Variants in MICOS10 observed in about 807,000 individuals in gnomAD.
MICOS10 encodes mitochondrial contact site and cristae organizing system subunit 10, also known as MICOS complex subunit MIC10.
Under a neutral mutation model 13.4 loss-of-function variants are expected in MICOS10, and 5 were observed. That is an observed-to-expected ratio of 0.37 (90% CI 0.20 to 0.78). The LOEUF (loss-of-function observed/expected upper bound fraction) is 0.78. MICOS10 is among the 30% of genes least tolerant of loss of function. The pLI is 0.47. For missense variants in MICOS10, 101 were observed against 94.6 expected (o/e 1.07, Z -0.28); for synonymous variants, 35 against 33.6 (o/e 1.04, Z -0.15).
intron 2 of MICOS10, among the ~76,000 whole-genome samples, 180 bp downstream of exon 2, chr1:19,622,327 A>G (rs886190019): frequency 3.9e-5 from 6 of 152,224 alleles, no homozygotes; most frequent in Non-Finnish European, 8.8e-5. Flanking sequence ...AAAGAGGTCA[A>G]AATGGGTTGG....
intron 1 of MICOS10, among the ~76,000 whole-genome samples, chr1:19,619,875 G>T (rs2094897070): frequency 6.6e-6 from 1 of 152,204 alleles, no homozygotes; most frequent in African/African-American, 2.4e-5. Flanking sequence ...AGGCTCCTTT[G>T]TTATGCTCCC....
chr1:19,621,915 G>C (rs2094905015), intron 1 of MICOS10, among the ~76,000 whole-genome samples, 185 bp from the exon 2 acceptor site: 1 of 152,124 alleles, frequency 6.6e-6, no homozygotes, highest in African/African-American at 2.4e-5. Context: ...TTCATGTTGG[G>C]CAGGAGAACC....
Position 19,622,122 on chromosome 1 carries a change from T to G in MICOS10, c.87T>G (p.Ile29Met), listed in dbSNP as rs772923726. 1 of 1,612,620 alleles carries G rather than the reference T, an allele frequency of 6.2e-7. No homozygotes were observed. Among genetic ancestry groups the G allele is most frequent in the South Asian group, 1.1e-5 (1 of 90,944 alleles). The change falls in exon 2 of 4, where the codon ATT becomes ATG. Residue 29 changes from isoleucine to methionine, a missense_variant. Coordinates refer to ENST00000322753, the MANE Select transcript of MICOS10 (RefSeq NM_001032363.4). ...TAGGTACTGGTTTTGGATTAGGAAT[T>G]GTTTTCTCACTTACCTTCTTTAAAA... ...VKIGTGFGLG[I>M]VFSLTFFKRR...
At chr1:19,625,325 G>A (rs1309566049) in intron 3 of MICOS10, 1 of 1,265,972 alleles carries the variant, frequency 7.9e-7, no homozygotes. Flanking sequence ...GTCAGGAGCT[G>A]TGGCCACAAG....
intron 1 of MICOS10, among the ~76,000 whole-genome samples, chr1:19,614,136 C>T (rs1008841613): frequency 6.6e-6 from 1 of 151,826 alleles, no homozygotes; most frequent in African/African-American, 2.4e-5. Flanking sequence ...AGTGTGGTGG[C>T]GTGATGTCAG....
chr1:19,623,894 T>C lies in MICOS10; in HGVS notation c.222+311T>C, dbSNP rs117847549. 14 of 196,352 alleles carry C rather than the reference T, an allele frequency of 7.1e-5. No individual in the cohort carries two copies. The East Asian group carries it at 1.6e-3, about 22-fold the overall frequency. The allele number at this position is 196,352 out of a possible 1,614,324, so 12.2% of individuals were successfully genotyped here. A position where few individuals can be genotyped will look rare whatever the true frequency, so the allele number is the denominator to read the frequency against. Reference sequence around the variant, plus strand: ...GTGTTAACTATCTGTAAGTAGCACTTTTCATTTAAGAGCTCAGAGTGCCCT... The same window carrying C: ...GTGTTAACTATCTGTAAGTAGCACTCTTCATTTAAGAGCTCAGAGTGCCCT... On this transcript the variant is annotated intron_variant, in intron 3 of 3. Coordinates refer to ENST00000322753, the MANE Select transcript of MICOS10 (RefSeq NM_001032363.4).
At chr1:19,620,257 A>G (rs759825018) in intron 1 of MICOS10, among the ~76,000 whole-genome samples, 3 of 152,214 alleles carry the variant, frequency 2.0e-5, no homozygotes, top group Admixed American at 6.5e-5. Flanking sequence ...AGAGGTGCCA[A>G]TCTTTAGTGG....
rs116411278 is a variant in MICOS10, at chr1:19,610,595, G to A, written c.65-11505G>A. On this transcript the variant is annotated intron_variant, in intron 1 of 3. Coordinates refer to ENST00000322753, the MANE Select transcript of MICOS10 (RefSeq NM_001032363.4). Reference sequence around the variant, plus strand: ...AGACAAGGTATATTTGGGAGGAGTCGAAATCTAGTGCATTTACTTCAATTT... The same window carrying A: ...AGACAAGGTATATTTGGGAGGAGTCAAAATCTAGTGCATTTACTTCAATTT... Among the ~76,000 whole-genome samples the A allele has an allele frequency of 5.5e-3, 831 of 151,712 alleles. 8 individuals are homozygous for A. Among genetic ancestry groups the A allele is most frequent in the African/African-American group, 0.018 (727 of 41,408 alleles).
intron 1 of MICOS10, among the ~76,000 whole-genome samples, chr1:19,617,075 C>T (rs2100307463): frequency 6.6e-6 from 1 of 152,164 alleles, no homozygotes; most frequent in Middle Eastern, 3.4e-3. Flanking sequence ...TTTATGCATT[C>T]TTGGGAGCTG....
chr1:19,614,399 C>CTCACACACACACTT (rs1445550785), intron 1 of MICOS10: 2 of 151,074 alleles, frequency 1.3e-5, no homozygotes, highest in Non-Finnish European at 2.9e-5. Flanking sequence ...CACACACACT[C>CTCACACACACACTT]TCACACACAC....
chr1:19,622,344 C>T (rs2100327304), intron 2 of MICOS10, among the ~76,000 whole-genome samples, 197 bp downstream of exon 2: 1 of 152,298 alleles, frequency 6.6e-6, no homozygotes, highest in Admixed American at 6.5e-5. Context: ...TTGGGCATCT[C>T]CAGCATTCCC....
Position 19,597,043 on chromosome 1 carries a change from A to G in MICOS10, c.-3A>G. The G allele has an allele frequency of 1.3e-6, 2 of 1,587,304 alleles. No individual in the cohort carries two copies. The highest frequency in any genetic ancestry group is 1.1e-5 in the South Asian group (1 of 88,564). On this transcript the variant is annotated 5_prime_UTR_variant, in exon 1 of 4. Transcript: ENST00000322753. Reference sequence around the variant, plus strand: ...AGGAAAGCTGGAGGCGCGGGTGGGGAACATGTCTGAGTCGGAGCTCGGCAG... The same window carrying G: ...AGGAAAGCTGGAGGCGCGGGTGGGGGACATGTCTGAGTCGGAGCTCGGCAG...
intron 1 of MICOS10, among the ~76,000 whole-genome samples, chr1:19,608,878 C>G (rs77277910): frequency 6.6e-5 from 10 of 151,812 alleles, no homozygotes; most frequent in African/African-American, 1.9e-4. Context: ...GGTTCCCCCC[C>G]ACCCATAGAC....
At chr1:19,608,869 G>A (rs1247597282) in intron 1 of MICOS10, among the ~76,000 whole-genome samples, 1 of 151,536 alleles carries the variant, frequency 6.6e-6, no homozygotes, top group African/African-American at 2.4e-5. Context: ...TAATTTTAAG[G>A]TTCCCCCCCA....
rs571754457 is a variant in MICOS10 at position 19,614,947 on chromosome 1, G to A, written c.65-7153G>A. Among the ~76,000 whole-genome samples, 10 of 152,230 alleles carry A rather than the reference G, an allele frequency of 6.6e-5. No homozygotes were observed. The South Asian group carries it at 1.7e-3, about 25-fold the overall frequency. ...GCTTTTCTGCCACTGAGTGGAGTGCGTTCCCGTCTCCACAAACTCTGGCTG... is the reference window on the plus strand; with the variant it reads ...GCTTTTCTGCCACTGAGTGGAGTGCATTCCCGTCTCCACAAACTCTGGCTG... On this transcript the variant is annotated intron_variant, in intron 1 of 3. Transcript: ENST00000322753.
intron 1 of MICOS10, among the ~76,000 whole-genome samples, chr1:19,606,439 T>C (rs534550675): frequency 6.6e-6 from 1 of 152,322 alleles, no homozygotes; most frequent in South Asian, 2.1e-4. Context: ...GCCTTGCTTC[T>C]TCCTTGTTAC....
Position 19,597,002 on chromosome 1 carries a change from G to A in MICOS10, c.-44G>A. On this transcript the variant is annotated 5_prime_UTR_variant, in exon 1 of 4. Transcript: ENST00000322753. ...TCGCGAGACTTTCAGGGGTCGGAGC[G>A]CGGGGGCCGGCCGAGAGGAAAGCTG... 6 of 1,562,872 alleles carry A rather than the reference G, an allele frequency of 3.8e-6. No individual in the cohort carries two copies. Among genetic ancestry groups the A allele is most frequent in the Non-Finnish European group, 5.2e-6 (6 of 1,157,918 alleles).
chr1:19,623,375 A>G, intron 2 of MICOS10, 99 bp from the exon 3 acceptor site: 1 of 726,136 alleles, frequency 1.4e-6, no homozygotes, highest in African/African-American at 1.8e-5. Context: ...ATGCACGTTG[A>G]ATATTTATTG....
chr1:19,604,934 G>A (rs967678969), intron 1 of MICOS10, among the ~76,000 whole-genome samples: 61 of 152,192 alleles, frequency 4.0e-4, no homozygotes, highest in African/African-American at 1.4e-3. Context: ...GGTTCCTTCT[G>A]GGAATGATGA....
Sources: allele counts gnomAD v4.1 joint callset (sites outside exome capture counted in the v4.1 genomes callset), GRCh38; gene constraint gnomAD v4.1.1; transcripts MANE v1.5; gene names NCBI Gene and HGNC (gene_info 2026-07-23, HGNC 2026-07-21).